ARHGAP42: variants seen among roughly 807,000 people sequenced by gnomAD.
ARHGAP42 encodes the protein Rho GTPase activating protein 42.
A neutral mutation model predicts 125.0 loss-of-function variants in ARHGAP42; 63 were observed. That is an observed-to-expected ratio of 0.50 (90% confidence interval 0.41 to 0.62). ARHGAP42 has a LOEUF of 0.62. Ranked by LOEUF, ARHGAP42 falls within the 20% of genes least tolerant of loss-of-function variation. The probability of loss-of-function intolerance (pLI) is 0.00; values close to 1 mark genes in which losing one functional copy is unlikely to be tolerated. For missense variants in ARHGAP42, 766 were observed against 1,024.2 expected (o/e 0.75, Z 3.44); for synonymous variants, 339 against 351.0 (o/e 0.97, Z 0.38).
intron 1 of ARHGAP42, among the ~76,000 whole-genome samples, chr11:100,746,229 CG>C (rs1388044869): frequency 6.6e-6 from 1 of 152,212 alleles, no homozygotes; most frequent in Non-Finnish European, 1.5e-5. Context: ...CTCCAAGGAA[CG>C]CTAAGTTTCC....
chr11:100,989,065 A>G lies in ARHGAP42; in HGVS notation c.*264A>G, dbSNP rs1368572319. 7 of 460,116 alleles carry G rather than the reference A, an allele frequency of 1.5e-5. No homozygotes were observed. Among genetic ancestry groups the G allele is most frequent in the Non-Finnish European group, 2.3e-5 (6 of 257,916 alleles). 28.5% of individuals were successfully genotyped at this position (460,116 alleles called of 1,614,324 possible). A position where few individuals can be genotyped will look rare whatever the true frequency, so the allele number is the denominator to read the frequency against. ...TTTGGATAATATGTAACTCTCCACA[A>G]TGTCGCTTCCGTAGCAATTGTAGAG... On this transcript the variant is annotated 3_prime_UTR_variant, in exon 24 of 24. Transcript: ENST00000298815.
Position 100,992,459 on chromosome 11 carries a change from T to C in ARHGAP42, c.*3658T>C. 6.2e-7 allele frequency: 1 copy of C among 1,614,120 alleles called. No individual in the cohort carries two copies. Among genetic ancestry groups the C allele is most frequent in the South Asian group, 1.1e-5 (1 of 91,088 alleles). ...CACATTGCTATTTAACTTTGCCTCCTACCCTTTTTTGTTACCTTCCAAAAT... is the reference window on the plus strand; with the variant it reads ...CACATTGCTATTTAACTTTGCCTCCCACCCTTTTTTGTTACCTTCCAAAAT... On this transcript the variant is annotated 3_prime_UTR_variant, in exon 24 of 24. Coordinates refer to ENST00000298815, the MANE Select transcript of ARHGAP42 (RefSeq NM_152432.4).
chr11:100,826,306 T>C (rs1042548708), intron 3 of ARHGAP42, among the ~76,000 whole-genome samples: 3 of 152,172 alleles, frequency 2.0e-5, no homozygotes, highest in Non-Finnish European at 4.4e-5. Context: ...TTGTGGACTT[T>C]CTGTAGTTTG....
At chr11:100,925,620 C>G (rs557318839) in intron 6 of ARHGAP42, among the ~76,000 whole-genome samples, 2 of 152,118 alleles carry the variant, frequency 1.3e-5, no homozygotes, top group African/African-American at 4.8e-5. Context: ...TGCCTGTAAT[C>G]CCAGCTACTG....
chr11:100,958,216 T>C (rs1357711257), intron 12 of ARHGAP42, among the ~76,000 whole-genome samples: 2 of 152,090 alleles, frequency 1.3e-5, no homozygotes, highest in Admixed American at 1.3e-4. Context: ...TTTTAAAATG[T>C]CTGAATGCTT....
intron 2 of ARHGAP42, among the ~76,000 whole-genome samples, chr11:100,792,228 G>T (rs747508668): frequency 2.0e-5 from 3 of 152,044 alleles, no homozygotes; most frequent in Non-Finnish European, 4.4e-5. Flanking sequence ...CTATGTACTA[G>T]GTATTTATTT....
At chr11:100,743,056 G>A (rs1862222401) in intron 1 of ARHGAP42, among the ~76,000 whole-genome samples, 1 of 152,022 alleles carries the variant, frequency 6.6e-6, no homozygotes, top group South Asian at 2.1e-4. Flanking sequence ...GAGCATTTAG[G>A]CCATTTATAT....
intron 1 of ARHGAP42, among the ~76,000 whole-genome samples, chr11:100,740,942 G>A (rs1479095271): frequency 6.6e-6 from 1 of 152,184 alleles, no homozygotes; most frequent in Non-Finnish European, 1.5e-5. Context: ...CTAGTCCCAT[G>A]GGCTTGAGGG....
At chr11:100,825,566 C>T (rs1235436954) in intron 3 of ARHGAP42, among the ~76,000 whole-genome samples, 1 of 152,170 alleles carries the variant, frequency 6.6e-6, no homozygotes, top group African/African-American at 2.4e-5. Context: ...ATATTGGCAT[C>T]TGGCTTGTGT....
chr11:100,854,194 T>C (rs1312474034), intron 3 of ARHGAP42, among the ~76,000 whole-genome samples: 1 of 152,176 alleles, frequency 6.6e-6, no homozygotes, highest in Non-Finnish European at 1.5e-5. Flanking sequence ...CTTCTGCTTA[T>C]CTTCTGAAAA....
intron 3 of ARHGAP42, among the ~76,000 whole-genome samples, chr11:100,816,103 T>C (rs1864259894): frequency 6.6e-6 from 1 of 152,220 alleles, no homozygotes; most frequent in Non-Finnish European, 1.5e-5. Context: ...ATAATGCTGC[T>C]TTGAGTATGG....
At chr11:100,846,997 C>A (rs1865084154) in intron 3 of ARHGAP42, among the ~76,000 whole-genome samples, 1 of 152,124 alleles carries the variant, frequency 6.6e-6, no homozygotes, top group African/African-American at 2.4e-5. Flanking sequence ...AGCCAGCACA[C>A]AAAACACAGG....
chr11:100,892,065 G>A (rs1866233252), intron 4 of ARHGAP42, among the ~76,000 whole-genome samples: 1 of 152,168 alleles, frequency 6.6e-6, no homozygotes, highest in Admixed American at 6.5e-5. Flanking sequence ...TGTTGGAGAT[G>A]AGACGAAAAA....
At chr11:100,826,470 C>T (rs1218873264) in intron 3 of ARHGAP42, among the ~76,000 whole-genome samples, 1 of 152,182 alleles carries the variant, frequency 6.6e-6, no homozygotes, top group East Asian at 1.9e-4. Context: ...TCATTTAATA[C>T]ATTTCAAGAC....
chr11:100,791,003 A>G (rs1443961207), intron 2 of ARHGAP42, among the ~76,000 whole-genome samples: 1 of 152,230 alleles, frequency 6.6e-6, no homozygotes, highest in Non-Finnish European at 1.5e-5. Context: ...TCTGAGAATA[A>G]GTGGCTCAAA....
At chr11:100,837,482 T>C (rs1864818373) in intron 3 of ARHGAP42, among the ~76,000 whole-genome samples, 4 of 151,986 alleles carry the variant, frequency 2.6e-5, no homozygotes, top group Admixed American at 6.6e-5. Flanking sequence ...AAAAGTTTTA[T>C]TGTGGAGTGA....
chr11:100,805,623 T>C (rs1293618859), intron 3 of ARHGAP42, among the ~76,000 whole-genome samples: 3 of 152,220 alleles, frequency 2.0e-5, no homozygotes, highest in Non-Finnish European at 4.4e-5. Context: ...TTCAACTGAC[T>C]ATACTTATAG....
At chr11:100,834,821 T>C (rs1160643816) in intron 3 of ARHGAP42, among the ~76,000 whole-genome samples, 3 of 149,854 alleles carry the variant, frequency 2.0e-5, no homozygotes, top group Non-Finnish European at 4.4e-5. Flanking sequence ...CCTTCTGCTT[T>C]GGACAGGGAA....
intron 4 of ARHGAP42, among the ~76,000 whole-genome samples, chr11:100,877,897 C>T (rs1030367678): frequency 1.3e-5 from 2 of 150,346 alleles, no homozygotes; most frequent in African/African-American, 4.9e-5. Context: ...CCCAGCTACT[C>T]GAGAGGCTGA....
Sources: gnomAD v4.1 joint callset for allele counts (sites outside exome capture counted in the v4.1 genomes callset) on GRCh38, gnomAD v4.1.1 for gene constraint, MANE v1.5 for transcripts, NCBI Gene and HGNC (gene_info 2026-07-23, HGNC 2026-07-21) for gene names.